The following SLC24A2 variants were observed in gnomAD, a reference collection of about 807,000 sequenced individuals.
The protein encoded by SLC24A2 is solute carrier family 24 member 2.
SLC24A2 carries 36 observed loss-of-function variants against 62.0 expected under a neutral mutation model. That is an observed-to-expected ratio of 0.58 (90% CI 0.44 to 0.77). The LOEUF (loss-of-function observed/expected upper bound fraction) is 0.77. SLC24A2 is among the 30% of genes least tolerant of loss of function. SLC24A2 has a pLI of 0.00. For synonymous variants in SLC24A2, 358 were observed against 294.0 expected, an observed-to-expected ratio of 1.22 and a Z score of -2.23; for missense variants, 846 against 817.9, an observed-to-expected ratio of 1.03 and a Z score of -0.42.
intron 8 of SLC24A2, among the ~76,000 whole-genome samples, chr9:19,541,627 C>G (rs1438182594): frequency 1.4e-5 from 2 of 147,774 alleles, no homozygotes; most frequent in South Asian, 2.2e-4. Context: ...GACAGGGACA[C>G]TTAAGTCTGC....
the SLC24A2 span, among the ~76,000 whole-genome samples, chr9:20,135,339 A>T: frequency 1.7e-5 from 2 of 118,168 alleles, no homozygotes; most frequent in African/African-American, 6.7e-5. Context: ...TAAAATTTTA[A>T]TTTTTAATTA....
chr9:20,121,954 T>C, the SLC24A2 span, among the ~76,000 whole-genome samples: 1 of 152,162 alleles, frequency 6.6e-6, no homozygotes, highest in African/African-American at 2.4e-5. Flanking sequence ...GAACGGAAGA[T>C]TGCTTGCTAA....
At chr9:19,963,267 A>G in the SLC24A2 span, among the ~76,000 whole-genome samples, 1 of 148,346 alleles carries the variant, frequency 6.7e-6, no homozygotes, top group Non-Finnish European at 1.5e-5. Flanking sequence ...TAAAAACCCT[A>G]GAAGAAAACC....
At chr9:20,217,491 G>GT in the SLC24A2 span, among the ~76,000 whole-genome samples, 4 of 152,058 alleles carry the variant, frequency 2.6e-5, no homozygotes, top group African/African-American at 7.2e-5. Flanking sequence ...TTTATTGTAA[G>GT]TTTTTTTAAT....
the SLC24A2 span, among the ~76,000 whole-genome samples, chr9:19,987,300 C>A: frequency 2.0e-5 from 3 of 152,098 alleles, no homozygotes; most frequent in Admixed American, 2.0e-4. Flanking sequence ...CTATACGATA[C>A]CTTGGCAGAC....
chr9:19,759,217 T>G (rs73432058), intron 2 of SLC24A2, among the ~76,000 whole-genome samples: 1 of 152,292 alleles, frequency 6.6e-6, no homozygotes, highest in Admixed American at 6.5e-5. Flanking sequence ...TGGTAGCAAG[T>G]TGGCATAACC....
the SLC24A2 span, among the ~76,000 whole-genome samples, chr9:20,075,229 G>C: frequency 5.9e-5 from 9 of 152,184 alleles, no homozygotes; most frequent in African/African-American, 1.9e-4. Flanking sequence ...CAGCCAGTGA[G>C]CAATTAGTAT....
chr9:19,776,837 G>T (rs1230817289), intron 2 of SLC24A2, among the ~76,000 whole-genome samples: 7 of 152,292 alleles, frequency 4.6e-5, no homozygotes, highest in African/African-American at 1.7e-4. Context: ...AAATATTACA[G>T]CTCCTAAGGA....
chr9:19,834,669 G>C, the SLC24A2 span, among the ~76,000 whole-genome samples: 3 of 152,186 alleles, frequency 2.0e-5, no homozygotes, highest in Non-Finnish European at 4.4e-5. Context: ...TTATCCAGGA[G>C]AACTTCCCCA....
the SLC24A2 span, among the ~76,000 whole-genome samples, chr9:20,115,666 A>G: frequency 1.3e-5 from 2 of 152,168 alleles, no homozygotes; most frequent in African/African-American, 2.4e-5. Flanking sequence ...TAAGCCAACA[A>G]AAGGATCTGC....
the SLC24A2 span, among the ~76,000 whole-genome samples, chr9:20,128,487 A>T: frequency 3.6e-4 from 54 of 152,110 alleles, no homozygotes; most frequent in South Asian, 8.3e-4. Flanking sequence ...AGTAATTATA[A>T]TTTTAACTAT....
At chr9:20,096,085 ATCCGTCCGTCCGTCCGTCCG>A in the SLC24A2 span, among the ~76,000 whole-genome samples, 15 of 140,482 alleles carry the variant, frequency 1.1e-4, no homozygotes, top group East Asian at 1.8e-3. Flanking sequence ...CCATCCATCC[ATCCGTCCGTCCGTCCGTCCG>A]TCCGTCCGTC....
the SLC24A2 span, among the ~76,000 whole-genome samples, chr9:19,893,417 C>A: frequency 8.5e-5 from 13 of 152,132 alleles, no homozygotes; most frequent in African/African-American, 2.4e-4. Context: ...CAGATCAGTA[C>A]CTCCCTATTG....
At chr9:20,021,238 G>T in the SLC24A2 span, among the ~76,000 whole-genome samples, 9 of 152,016 alleles carry the variant, frequency 5.9e-5, no homozygotes, top group Non-Finnish European at 1.3e-4. Context: ...GTGGATACAT[G>T]CATGTTAGCG....
the SLC24A2 span, among the ~76,000 whole-genome samples, chr9:20,031,417 G>A: frequency 6.8e-6 from 1 of 146,278 alleles, no homozygotes; most frequent in Non-Finnish European, 1.5e-5. Context: ...GCGCATATGT[G>A]CACACACACA....
chr9:19,701,136 C>A (rs570492596), intron 2 of SLC24A2, among the ~76,000 whole-genome samples: 54 of 152,344 alleles, frequency 3.5e-4, no homozygotes, highest in South Asian at 6.2e-4. Context: ...GAGAACAACC[C>A]ACTGAAGGCC....
intron 2 of SLC24A2, among the ~76,000 whole-genome samples, chr9:19,770,691 C>A (rs1822660520): frequency 6.6e-6 from 1 of 152,086 alleles, no homozygotes; most frequent in African/African-American, 2.4e-5. Flanking sequence ...GAGACAGTAG[C>A]ACATAAAATA....
chr9:20,072,490 C>T, the SLC24A2 span, among the ~76,000 whole-genome samples: 1 of 152,012 alleles, frequency 6.6e-6, no homozygotes, highest in Non-Finnish European at 1.5e-5. Context: ...ATGGACAAAA[C>T]CATATATATG....
At chr9:19,916,181 G>C in the SLC24A2 span, among the ~76,000 whole-genome samples, 4 of 151,888 alleles carry the variant, frequency 2.6e-5, no homozygotes, top group East Asian at 3.9e-4. Flanking sequence ...CTCATTTAGT[G>C]GTCTTGGAAT....
Sources: allele counts gnomAD v4.1 joint callset (sites outside exome capture counted in the v4.1 genomes callset), GRCh38; gene constraint gnomAD v4.1.1; transcripts MANE v1.5; gene names NCBI Gene and HGNC (gene_info 2026-07-23, HGNC 2026-07-21).